RANBP2: variants seen among roughly 807,000 people sequenced by gnomAD.
RANBP2 encodes RAN binding protein 2, also known as E3 SUMO-protein ligase RanBP2.
A neutral mutation model predicts 303.6 loss-of-function variants in RANBP2; 57 were observed. The ratio of observed to expected loss-of-function variants is 0.19; its 90% CI spans 0.15 to 0.23. RANBP2 has a LOEUF of 0.23. Among genes scored for constraint, RANBP2 ranks in the 10% least tolerant of loss-of-function variants. The pLI is 1.00. For missense variants in RANBP2, 3,138 were observed against 3,780.8 expected (o/e 0.83, Z 4.46); for synonymous variants, 1,167 against 1,301.5 (o/e 0.90, Z 2.23).
the RANBP2 span, among the ~76,000 whole-genome samples, chr2:108,918,956 C>T: frequency 2.6e-5 from 4 of 152,304 alleles, no homozygotes; most frequent in Admixed American, 6.5e-5. Flanking sequence ...TGGGCAGACT[C>T]GCAGAGACTC....
chr2:109,567,476 TAA>T, the RANBP2 span, among the ~76,000 whole-genome samples: 3 of 152,186 alleles, frequency 2.0e-5, no homozygotes, highest in African/African-American at 7.2e-5. Flanking sequence ...AGGGAGGCTG[TAA>T]AGTCTTCTCA....
chr2:109,062,333 C>T, the RANBP2 span, among the ~76,000 whole-genome samples: 4 of 152,278 alleles, frequency 2.6e-5, no homozygotes, highest in South Asian at 2.1e-4. Flanking sequence ...CCTGCATCAG[C>T]GACAGAGGGA....
chr2:109,019,819 G>A, the RANBP2 span, among the ~76,000 whole-genome samples: 1 of 152,168 alleles, frequency 6.6e-6, no homozygotes, highest in African/African-American at 2.4e-5. Flanking sequence ...TACAATGAAA[G>A]GATTTGCCCA....
At chr2:109,397,698 G>A in the RANBP2 span, among the ~76,000 whole-genome samples, 82 of 152,268 alleles carry the variant, frequency 5.4e-4, 1 homozygote, top group African/African-American at 1.8e-3. Flanking sequence ...TGTAATTCAC[G>A]GACCTTCCCC....
At chr2:109,708,976 CAAA>C in the RANBP2 span, among the ~76,000 whole-genome samples, 1 of 149,430 alleles carries the variant, frequency 6.7e-6, no homozygotes, top group Admixed American at 6.7e-5. Flanking sequence ...GGCTCCCTCT[CAAA>C]AATAAATAAA....
chr2:109,647,458 G>A, the RANBP2 span, among the ~76,000 whole-genome samples: 634 of 150,710 alleles, frequency 4.2e-3, 5 homozygotes, highest in Middle Eastern at 0.014. Context: ...CACCACACCC[G>A]GCCCTCTCCT....
At chr2:109,186,005 C>G in the RANBP2 span, among the ~76,000 whole-genome samples, 11 of 152,368 alleles carry the variant, frequency 7.2e-5, no homozygotes, top group African/African-American at 2.6e-4. Context: ...ATACCATTCT[C>G]TGGGCCGTTT....
intron 6 of RANBP2, among the ~76,000 whole-genome samples, chr2:108,739,371 C>G (rs900669641): frequency 5.3e-5 from 8 of 152,136 alleles, no homozygotes; most frequent in African/African-American, 1.4e-4. Context: ...CCACTGCACT[C>G]CAGCCTTGTG....
the RANBP2 span, among the ~76,000 whole-genome samples, chr2:109,077,245 T>C: frequency 6.6e-6 from 1 of 150,568 alleles, no homozygotes; most frequent in African/African-American, 2.4e-5. Context: ...CAAAATGGAT[T>C]AAAAACTTAA....
At chr2:108,760,363 A>T (rs1001882696) in intron 18 of RANBP2, among the ~76,000 whole-genome samples, 2 of 152,114 alleles carry the variant, frequency 1.3e-5, no homozygotes, top group African/African-American at 4.8e-5. Context: ...TTTAGTTCTG[A>T]GCATTTTTAA....
the RANBP2 span, chr2:109,616,021 G>GC: frequency 6.6e-7 from 1 of 1,523,054 alleles, no homozygotes; most frequent in Non-Finnish European, 8.8e-7. Context: ...CCTGTTAAAG[G>GC]CCACTCGCCC....
the RANBP2 span, among the ~76,000 whole-genome samples, chr2:109,159,818 A>C: frequency 6.6e-6 from 1 of 152,168 alleles, no homozygotes; most frequent in Non-Finnish European, 1.5e-5. Flanking sequence ...TCCTTATGAG[A>C]ATCTAACGCC....
the RANBP2 span, among the ~76,000 whole-genome samples, chr2:109,627,289 C>T: frequency 3.3e-5 from 5 of 152,276 alleles, no homozygotes; most frequent in East Asian, 1.9e-4. Flanking sequence ...CTCTGCCTCC[C>T]GGGTTCAAGC....
chr2:109,275,354 A>C, the RANBP2 span, among the ~76,000 whole-genome samples: 2 of 152,306 alleles, frequency 1.3e-5, no homozygotes, highest in African/African-American at 4.8e-5. Flanking sequence ...GATAACGTTG[A>C]TAAGTTGCTC....
chr2:109,223,526 G>A, the RANBP2 span, among the ~76,000 whole-genome samples: 2 of 152,234 alleles, frequency 1.3e-5, no homozygotes, highest in African/African-American at 2.4e-5. Context: ...CAGAATGGAA[G>A]CGTAGGAAGG....
the RANBP2 span, among the ~76,000 whole-genome samples, chr2:108,879,025 T>A: frequency 2.6e-5 from 4 of 151,752 alleles, no homozygotes; most frequent in Admixed American, 2.6e-4. Context: ...AAGTTCTTTA[T>A]GGTCATGTTC....
chr2:109,435,988 C>T, the RANBP2 span, among the ~76,000 whole-genome samples: 2 of 152,150 alleles, frequency 1.3e-5, no homozygotes, highest in Non-Finnish European at 2.9e-5. Context: ...GTGCAGAAAC[C>T]CTCACTCTGT....
the RANBP2 span, chr2:108,930,189 C>T: frequency 4.3e-6 from 7 of 1,614,014 alleles, no homozygotes; most frequent in South Asian, 3.3e-5. Context: ...GGTTGTAGTA[C>T]TCGTTCTCAC....
At chr2:109,726,058 GGTGTGTGTGTGTGTGTGT>G in the RANBP2 span, among the ~76,000 whole-genome samples, 18 of 137,030 alleles carry the variant, frequency 1.3e-4, no homozygotes, top group Non-Finnish European at 2.2e-4. Context: ...TTTTGCTTTT[GGTGTGTGTGTGTGTGTGT>G]GTGTGTGTGT....
Sources: allele counts gnomAD v4.1 joint callset (sites outside exome capture counted in the v4.1 genomes callset), GRCh38; gene constraint gnomAD v4.1.1; transcripts MANE v1.5; gene names NCBI Gene and HGNC (gene_info 2026-07-23, HGNC 2026-07-21).